The following TGFBR3 variants were observed in gnomAD, a reference collection of about 807,000 sequenced individuals.
TGFBR3 encodes the protein transforming growth factor beta receptor 3.
Under a neutral mutation model 87.9 loss-of-function variants are expected in TGFBR3, and 46 were observed. The ratio of observed to expected loss-of-function variants is 0.52; its 90% CI spans 0.41 to 0.67. TGFBR3 has a LOEUF of 0.67. Among genes scored for constraint, TGFBR3 ranks in the 30% least tolerant of loss-of-function variants. TGFBR3 has a pLI of 0.00. For synonymous variants in TGFBR3, 381 were observed against 391.6 expected, an observed-to-expected ratio of 0.97 and a Z score of 0.32; for missense variants, 866 against 1,041.9, an observed-to-expected ratio of 0.83 and a Z score of 2.32.
chr1:91,783,804 C>CA (rs1557708398), intron 3 of TGFBR3, among the ~76,000 whole-genome samples: 1 of 152,038 alleles, frequency 6.6e-6, no homozygotes, highest in African/African-American at 2.4e-5. Flanking sequence ...AAAACAAAAT[C>CA]AAAAAAATCA....
intron 2 of TGFBR3, among the ~76,000 whole-genome samples, chr1:91,837,383 T>C (rs999824096): frequency 6.6e-6 from 1 of 152,098 alleles, no homozygotes; most frequent in African/African-American, 2.4e-5. Flanking sequence ...GTAGCTGGGA[T>C]TACAGGCATG....
At chr1:91,827,963 T>C (rs1676706700) in intron 2 of TGFBR3, among the ~76,000 whole-genome samples, 1 of 152,168 alleles carries the variant, frequency 6.6e-6, no homozygotes, top group African/African-American at 2.4e-5. Context: ...TTAACCACAC[T>C]GGGTAACTAT....
At chr1:91,726,510 G>A (rs1672554379) in intron 7 of TGFBR3, among the ~76,000 whole-genome samples, 1 of 147,714 alleles carries the variant, frequency 6.8e-6, no homozygotes, top group Non-Finnish European at 1.5e-5. Flanking sequence ...GGCTCACTGG[G>A]ATCCTAGCAA....
At chr1:91,786,876 G>A (rs1159113069) in intron 3 of TGFBR3, among the ~76,000 whole-genome samples, 1 of 152,238 alleles carries the variant, frequency 6.6e-6, no homozygotes, top group African/African-American at 2.4e-5. Flanking sequence ...CTAGGGTCAG[G>A]AGAACTGGCC....
At chr1:91,688,222 C>T (rs1671154929) in intron 16 of TGFBR3, among the ~76,000 whole-genome samples, 1 of 152,174 alleles carries the variant, frequency 6.6e-6, no homozygotes, top group Admixed American at 6.5e-5. Context: ...TATATTCCTG[C>T]AGTGTGGCCA....
At chr1:91,897,481 T>C (rs866930835) in intron 2 of TGFBR3, among the ~76,000 whole-genome samples, 1 of 152,220 alleles carries the variant, frequency 6.6e-6, no homozygotes, top group Non-Finnish European at 1.5e-5. Flanking sequence ...ATTGTATATA[T>C]TGGTTCATTA....
At chr1:91,785,991 T>A (rs996335609) in intron 3 of TGFBR3, among the ~76,000 whole-genome samples, 1 of 152,034 alleles carries the variant, frequency 6.6e-6, no homozygotes, top group African/African-American at 2.4e-5. Flanking sequence ...CTTGAACTCC[T>A]AAGCTCAAGC....
At chr1:91,789,299 T>C (rs747283554) in intron 3 of TGFBR3, among the ~76,000 whole-genome samples, 1 of 151,628 alleles carries the variant, frequency 6.6e-6, no homozygotes, top group Non-Finnish European at 1.5e-5. Flanking sequence ...AGAGTGAGAC[T>C]CGTCTCGAAA....
upstream of TGFBR3, among the ~76,000 whole-genome samples, chr1:91,890,791 C>T (rs1679427124): frequency 6.6e-6 from 1 of 152,144 alleles, no homozygotes; most frequent in Non-Finnish European, 1.5e-5. Flanking sequence ...ACACAACCAG[C>T]AAGTGGCAGA....
At position 91,885,986 on chromosome 1, in the gene TGFBR3, G is replaced by C; in HGVS notation, c.-222C>G. 1 of 452,502 alleles carries C rather than the reference G, an allele frequency of 2.2e-6. No homozygotes were observed. Among genetic ancestry groups the C allele is most frequent in the East Asian group, 7.0e-5 (1 of 14,320 alleles). The allele number at this position is 452,502 out of a possible 1,614,324, so 28.0% of individuals were successfully genotyped here. ...GGCGGCGAGCTCCGGCAGCTGCTGC[G>C]CCGCGGCAAAACTACGCCATCCGGA... On this transcript the variant is annotated 5_prime_UTR_variant, in exon 1 of 17. Transcript: ENST00000212355.
chr1:91,690,757 C>CA (rs552973945), intron 16 of TGFBR3, among the ~76,000 whole-genome samples: 62 of 151,660 alleles, frequency 4.1e-4, no homozygotes, highest in Middle Eastern at 3.4e-3. Context: ...AAGCAGGAGG[C>CA]AAAAAAACAT....
chr1:91,877,653 T>C (rs932940607), intron 1 of TGFBR3, among the ~76,000 whole-genome samples: 5 of 152,160 alleles, frequency 3.3e-5, no homozygotes, highest in South Asian at 2.1e-4. Flanking sequence ...GATATAAATA[T>C]GGAAAAATGT....
In TGFBR3 at chr1:91,821,243, T is replaced by C. The variant is rs151326353; in HGVS notation, c.62-23772A>G. ...TACTTGGGAGGCTGAGGCATGAGAATCACTTGAACCTGGGAGACAGAAGTT... is the reference window on the plus strand; with the variant it reads ...TACTTGGGAGGCTGAGGCATGAGAACCACTTGAACCTGGGAGACAGAAGTT... On this transcript the variant is annotated intron_variant, in intron 2 of 16. Coordinates refer to ENST00000212355, the MANE Select transcript of TGFBR3 (RefSeq NM_003243.5). Among the ~76,000 whole-genome samples, 84 of 141,990 alleles carry C rather than the reference T, an allele frequency of 5.9e-4. 1 individual carries two copies. The East Asian group carries it at 0.016, about 27-fold the overall frequency. 93.2% of individuals were successfully genotyped at this position (141,990 alleles called of 152,430 possible).
chr1:91,877,566 G>A (rs1678851820), intron 1 of TGFBR3, among the ~76,000 whole-genome samples: 1 of 152,106 alleles, frequency 6.6e-6, no homozygotes, highest in South Asian at 2.1e-4. Context: ...CCCACACAGT[G>A]AATGAAATTA....
chr1:91,780,914 CACACACACACACACACACAG>C (rs1674743554), intron 3 of TGFBR3, among the ~76,000 whole-genome samples: 1 of 151,122 alleles, frequency 6.6e-6, no homozygotes, highest in Non-Finnish European at 1.5e-5. Flanking sequence ...CACACACACA[CACACACACACACACACACAG>C]AGATCTCATC....
intron 2 of TGFBR3, among the ~76,000 whole-genome samples, chr1:91,822,527 T>A (rs1304176507): frequency 1.3e-5 from 2 of 152,130 alleles, no homozygotes; most frequent in Non-Finnish European, 2.9e-5. Flanking sequence ...TATCACTCTC[T>A]TTCACTTCTC....
At chr1:91,884,117 C>A (rs1424571806) in intron 1 of TGFBR3, among the ~76,000 whole-genome samples, 2 of 152,032 alleles carry the variant, frequency 1.3e-5, no homozygotes, top group Admixed American at 6.6e-5. Context: ...GTCAAGAAAT[C>A]GAGACCATCC....
intron 2 of TGFBR3, among the ~76,000 whole-genome samples, chr1:91,837,336 C>T (rs567969930): frequency 8.3e-4 from 126 of 152,204 alleles, no homozygotes; most frequent in Admixed American, 2.5e-3. Context: ...GCCTCCACCT[C>T]GTGGGTTTAA....
chr1:91,695,720 T>G lies in TGFBR3; in HGVS notation c.2389A>C (p.Ile797Leu). ...AAGGCCCCCGTCAGGAGTGCTCCGATCACAAAGGCTGCAAACGCAATGCCC... is the reference window on the plus strand; with the variant it reads ...AAGGCCCCCGTCAGGAGTGCTCCGAGCACAAAGGCTGCAAACGCAATGCCC... ...VMGIAFAAFV[I>L]GALLTGALWY... The change falls in exon 16 of 17, where the codon ATC (isoleucine) becomes CTC (leucine). Residue 797 changes from isoleucine to leucine, a missense_variant. Physicochemically the swap from Ile to Leu is conservative, Grantham distance 5. Transcript: ENST00000212355. 1 of 1,614,168 alleles carries G rather than the reference T, an allele frequency of 6.2e-7. No individual in the cohort carries two copies. The highest frequency in any genetic ancestry group is 8.5e-7 in the Non-Finnish European group (1 of 1,180,030).
Sources: allele counts gnomAD v4.1 joint callset (sites outside exome capture counted in the v4.1 genomes callset), GRCh38; gene constraint gnomAD v4.1.1; transcripts MANE v1.5; gene names NCBI Gene and HGNC (gene_info 2026-07-23, HGNC 2026-07-21).